Variants in FOXO1 observed in about 807,000 individuals in gnomAD.
FOXO1 encodes the protein forkhead box protein O1.
In FOXO1, 6 loss-of-function variants were observed where a neutral mutation model predicts 44.1. The observed-to-expected ratio is 0.14, with a 90% CI of 0.07 to 0.27. The LOEUF (loss-of-function observed/expected upper bound fraction) is 0.27, where lower values mean the gene tolerates loss of function less well. FOXO1 is among the 10% of genes least tolerant of loss of function. FOXO1 has a pLI of 1.00. For missense variants in FOXO1, 737 were observed against 888.8 expected (o/e 0.83, Z 2.17); for synonymous variants, 380 against 362.7 (o/e 1.05, Z -0.54).
At chr13:40,581,755 G>C (rs547884953) in intron 1 of FOXO1, among the ~76,000 whole-genome samples, 3 of 152,136 alleles carry the variant, frequency 2.0e-5, no homozygotes, top group Non-Finnish European at 4.4e-5. Context: ...GGTCATGTAA[G>C]AACAATACAT....
In FOXO1 at chr13:40,632,869, C is replaced by T. The variant is rs535615297; in HGVS notation, c.630+32714G>A. On this transcript the variant is annotated intron_variant, in intron 1 of 2. Transcript: ENST00000379561. ...CTGAGGCAGGAGAATCACTTGAATC[C>T]GAGCTGAAGTTGTGCCATTGCAAAA... 2.5e-4 allele frequency among the ~76,000 whole-genome samples: 36 copies of T among 145,692 alleles called. No individual in the cohort carries two copies. In the East Asian group the frequency reaches 4.4e-3, roughly 18 times the overall value.
At chr13:40,580,920 A>G (rs183481441) in intron 1 of FOXO1, among the ~76,000 whole-genome samples, 1 of 152,222 alleles carries the variant, frequency 6.6e-6, no homozygotes, top group Non-Finnish European at 1.5e-5. Flanking sequence ...GAAAGTATCT[A>G]CAGCACTGCT....
At chr13:40,640,389 C>T (rs905818255) in intron 1 of FOXO1, among the ~76,000 whole-genome samples, 3 of 152,142 alleles carry the variant, frequency 2.0e-5, no homozygotes, top group Admixed American at 1.3e-4. Context: ...CTACACTACA[C>T]TCTCTCTCTC....
intron 1 of FOXO1, among the ~76,000 whole-genome samples, chr13:40,612,880 C>G (rs1566075540): frequency 6.6e-6 from 1 of 152,158 alleles, no homozygotes; most frequent in South Asian, 2.1e-4. Flanking sequence ...GTTTCAGGCA[C>G]TCACTGTGGG....
intron 1 of FOXO1, among the ~76,000 whole-genome samples, chr13:40,640,655 T>C (rs1477344597): frequency 6.6e-6 from 1 of 151,210 alleles, no homozygotes; most frequent in Non-Finnish European, 1.5e-5. Context: ...GATTTCTTTT[T>C]GTCCTCGTCC....
intron 1 of FOXO1, among the ~76,000 whole-genome samples, chr13:40,641,748 G>A (rs906827442): frequency 2.0e-5 from 3 of 152,128 alleles, no homozygotes; most frequent in African/African-American, 7.2e-5. Context: ...AACTTTGGGA[G>A]GCCGAAGCAG....
At chr13:40,663,284 A>ATGAT (rs1350355509) in intron 1 of FOXO1, among the ~76,000 whole-genome samples, 1 of 152,256 alleles carries the variant, frequency 6.6e-6, no homozygotes, top group Non-Finnish European at 1.5e-5. Flanking sequence ...GGTTGTAAAG[A>ATGAT]TGATTTAACA....
intron 1 of FOXO1, among the ~76,000 whole-genome samples, chr13:40,651,434 A>G (rs1452121005): frequency 6.6e-6 from 1 of 152,112 alleles, no homozygotes; most frequent in Non-Finnish European, 1.5e-5. Flanking sequence ...AAAACCAGAA[A>G]AGAGGATATC....
In FOXO1 at chr13:40,621,215, T is replaced by C. The variant is rs554275805; in HGVS notation, c.630+44368A>G. On this transcript the variant is annotated intron_variant, in intron 1 of 2. Transcript: ENST00000379561. Reference sequence around the variant, plus strand: ...GTGTTTGTATCAGTGACCACATAACTGGAAACAAGCTCAGGCAATTACCTT... The same window carrying C: ...GTGTTTGTATCAGTGACCACATAACCGGAAACAAGCTCAGGCAATTACCTT... 6 of 681,094 alleles carry C rather than the reference T, an allele frequency of 8.8e-6. No individual in the cohort carries two copies. The East Asian group carries it at 3.0e-4, about 34-fold the overall frequency. 42.2% of individuals were successfully genotyped at this position (681,094 alleles called of 1,614,324 possible). A position where few individuals can be genotyped will look rare whatever the true frequency, so the allele number is the denominator to read the frequency against.
intron 1 of FOXO1, among the ~76,000 whole-genome samples, chr13:40,641,645 T>C (rs1877357827): frequency 6.6e-6 from 1 of 152,148 alleles, no homozygotes; most frequent in South Asian, 2.1e-4. Flanking sequence ...ATTATTCTCT[T>C]TGCTGTAGCA....
chr13:40,593,157 G>A (rs939291406), intron 1 of FOXO1, among the ~76,000 whole-genome samples: 14 of 152,000 alleles, frequency 9.2e-5, no homozygotes, highest in Non-Finnish European at 2.1e-4. Context: ...CCGAATAGCT[G>A]GGACCATAGG....
At chr13:40,589,540 G>A (rs185753464) in intron 1 of FOXO1, among the ~76,000 whole-genome samples, 10 of 152,290 alleles carry the variant, frequency 6.6e-5, no homozygotes, top group East Asian at 3.9e-4. Flanking sequence ...AAAATATTTC[G>A]TCTTTGTTAC....
chr13:40,633,399 A>G (rs1326811949), intron 1 of FOXO1, among the ~76,000 whole-genome samples: 1 of 152,284 alleles, frequency 6.6e-6, no homozygotes, highest in Non-Finnish European at 1.5e-5. Context: ...ATAAATGGAT[A>G]AAATATACTA....
chr13:40,645,455 T>A (rs1448006983), intron 1 of FOXO1, among the ~76,000 whole-genome samples: 1 of 152,180 alleles, frequency 6.6e-6, no homozygotes, highest in Admixed American at 6.5e-5. Context: ...TTGCATCATG[T>A]TCACGCCCAG....
intron 1 of FOXO1, among the ~76,000 whole-genome samples, chr13:40,588,524 C>T (rs2137861505): frequency 6.6e-6 from 1 of 152,308 alleles, no homozygotes; most frequent in Non-Finnish European, 1.5e-5. Context: ...TAAGTTTTCA[C>T]CCTTAAACTG....
intron 1 of FOXO1, among the ~76,000 whole-genome samples, chr13:40,565,972 G>C (rs1219258674): frequency 6.6e-6 from 1 of 152,198 alleles, no homozygotes; most frequent in Non-Finnish European, 1.5e-5. Flanking sequence ...CTTGACACTA[G>C]ATATTGCCTC....
At chr13:40,639,532 T>TA (rs1877279388) in intron 1 of FOXO1, among the ~76,000 whole-genome samples, 1 of 152,156 alleles carries the variant, frequency 6.6e-6, no homozygotes, top group Admixed American at 6.5e-5. Flanking sequence ...AGGAAAAAAA[T>TA]AAACTAATTT....
At chr13:40,656,117 T>C (rs1877852148) in intron 1 of FOXO1, among the ~76,000 whole-genome samples, 1 of 152,226 alleles carries the variant, frequency 6.6e-6, no homozygotes, top group Non-Finnish European at 1.5e-5. Context: ...TGGACTGTAA[T>C]GGTGTCAGTT....
intron 1 of FOXO1, among the ~76,000 whole-genome samples, chr13:40,629,422 G>A (rs1454507802): frequency 2.0e-5 from 3 of 152,290 alleles, no homozygotes; most frequent in Middle Eastern, 6.8e-3. Context: ...GATTACAGGC[G>A]TGAGCCACTG....
Sources: gnomAD v4.1 joint callset for allele counts (sites outside exome capture counted in the v4.1 genomes callset) on GRCh38, gnomAD v4.1.1 for gene constraint, MANE v1.5 for transcripts, NCBI Gene and HGNC (gene_info 2026-07-23, HGNC 2026-07-21) for gene names.